LMNTD1: variants seen among roughly 807,000 people sequenced by gnomAD.
LMNTD1 encodes lamin tail domain containing 1, also known as lamin tail domain-containing protein 1.
Under a neutral mutation model 50.9 loss-of-function variants are expected in LMNTD1, and 35 were observed. The ratio of observed to expected loss-of-function variants is 0.69; its 90% CI spans 0.53 to 0.91. The LOEUF (loss-of-function observed/expected upper bound fraction) is 0.91, where lower values mean the gene tolerates loss of function less well. Ranked by LOEUF, LMNTD1 falls within the 40% of genes least tolerant of loss-of-function variation. The pLI, the probability that LMNTD1 is intolerant of heterozygous loss-of-function variation, is 0.00. For missense variants in LMNTD1, 470 were observed against 475.5 expected (o/e 0.99, Z 0.11); for synonymous variants, 153 against 161.9 (o/e 0.94, Z 0.42).
At chr12:25,612,767 G>C (rs1946276633) in intron 1 of LMNTD1, among the ~76,000 whole-genome samples, 1 of 152,098 alleles carries the variant, frequency 6.6e-6, no homozygotes, top group African/African-American at 2.4e-5. Context: ...ATATGTGATA[G>C]GTTGAATAAT....
chr12:25,634,917 C>G (rs1246687013), intron 1 of LMNTD1, among the ~76,000 whole-genome samples: 1 of 152,164 alleles, frequency 6.6e-6, no homozygotes, highest in Non-Finnish European at 1.5e-5. Context: ...ACCCTAAAGA[C>G]TCCTCCAGAA....
intron 9 of LMNTD1, among the ~76,000 whole-genome samples, chr12:25,476,931 C>T (rs1591811853): frequency 6.6e-6 from 1 of 152,052 alleles, no homozygotes; most frequent in African/African-American, 2.4e-5. Flanking sequence ...AATAGATAGC[C>T]GAGGTGCAGC....
chr12:25,590,804 G>A (rs1565507344), intron 1 of LMNTD1, among the ~76,000 whole-genome samples: 1 of 152,162 alleles, frequency 6.6e-6, no homozygotes, highest in Non-Finnish European at 1.5e-5. Flanking sequence ...CTTAGCTCCA[G>A]GAAAGGGAGG....
intron 1 of LMNTD1, among the ~76,000 whole-genome samples, chr12:25,585,111 A>G (rs977670632): frequency 4.6e-5 from 7 of 152,198 alleles, no homozygotes; most frequent in African/African-American, 1.7e-4. Context: ...CTGGGGCCAA[A>G]ATAAACACCC....
At chr12:25,643,010 G>A (rs377086452) in intron 1 of LMNTD1, among the ~76,000 whole-genome samples, 1 of 152,300 alleles carries the variant, frequency 6.6e-6, no homozygotes, top group East Asian at 1.9e-4. Flanking sequence ...TCCAAGCACT[G>A]TTCTAGGCTC....
At chr12:25,534,428 C>G (rs1169631114) in intron 4 of LMNTD1, among the ~76,000 whole-genome samples, 1 of 152,026 alleles carries the variant, frequency 6.6e-6, no homozygotes, top group African/African-American at 2.4e-5. Flanking sequence ...TAAAATTTCC[C>G]CAGATTATTT....
chr12:25,643,796 G>A (rs924986096), intron 1 of LMNTD1, among the ~76,000 whole-genome samples: 1 of 152,148 alleles, frequency 6.6e-6, no homozygotes, highest in Non-Finnish European at 1.5e-5. Flanking sequence ...GTCAATGTTT[G>A]TTATCAAGTG....
chr12:25,559,465 T>A (rs749793814), intron 1 of LMNTD1, among the ~76,000 whole-genome samples: 2 of 152,234 alleles, frequency 1.3e-5, no homozygotes, highest in African/African-American at 2.4e-5. Context: ...TTTGGGTTGG[T>A]TCCAACTCTT....
In LMNTD1 at chr12:25,526,243, A is replaced by G. The variant is rs371407437; in HGVS notation, c.679-25T>C. ...CCTGTAATAAAATTGTTAATGACAAATGCCACTGGAGTTGAACACAATTTT... is the reference window on the plus strand; with the variant it reads ...CCTGTAATAAAATTGTTAATGACAAGTGCCACTGGAGTTGAACACAATTTT... On this transcript the variant is annotated intron_variant, in intron 5 of 9. Coordinates refer to ENST00000458174, the MANE Select transcript of LMNTD1 (RefSeq NM_001145728.2). The G allele has an allele frequency of 1.0e-5, 16 of 1,602,352 alleles. No individual in the cohort carries two copies. The African/African-American group carries it at 2.0e-4, about 20-fold the overall frequency.
chr12:25,553,584 G>T (rs573011896), upstream of LMNTD1, among the ~76,000 whole-genome samples: 67 of 151,978 alleles, frequency 4.4e-4, no homozygotes, highest in Middle Eastern at 3.4e-3. Flanking sequence ...AATACTTTGA[G>T]CACATGGAAA....
At chr12:25,547,561 A>G (rs1943506936) in intron 3 of LMNTD1, among the ~76,000 whole-genome samples, 1 of 151,806 alleles carries the variant, frequency 6.6e-6, no homozygotes, top group African/African-American at 2.4e-5. Flanking sequence ...TCTTTAGCAA[A>G]ACCAAAACAA....
intron 1 of LMNTD1, among the ~76,000 whole-genome samples, chr12:25,629,661 G>C (rs752480034): frequency 6.6e-6 from 1 of 152,142 alleles, no homozygotes. Context: ...TATTTGGAAC[G>C]GAGTGTGAGG....
intron 1 of LMNTD1, among the ~76,000 whole-genome samples, chr12:25,618,831 G>C (rs138149946): frequency 6.6e-6 from 1 of 152,294 alleles, no homozygotes; most frequent in African/African-American, 2.4e-5. Flanking sequence ...AAAGTACAAA[G>C]ATGGCTAAGC....
chr12:25,569,262 A>G (rs919366938), intron 1 of LMNTD1, among the ~76,000 whole-genome samples: 1 of 152,182 alleles, frequency 6.6e-6, no homozygotes, highest in Non-Finnish European at 1.5e-5. Flanking sequence ...AAATTTAATG[A>G]CTGCCCTGCT....
intron 1 of LMNTD1, among the ~76,000 whole-genome samples, chr12:25,616,464 C>T (rs375458540): frequency 1.6e-4 from 25 of 151,974 alleles, no homozygotes; most frequent in Non-Finnish European, 2.8e-4. Flanking sequence ...ATTACACTTA[C>T]GTAACATTCT....
At chr12:25,487,013 T>G (rs1209051618) in intron 9 of LMNTD1, among the ~76,000 whole-genome samples, 1 of 151,336 alleles carries the variant, frequency 6.6e-6, no homozygotes. Context: ...TTGTTATAAT[T>G]TCTGTTCTTT....
chr12:25,536,705 G>A (rs1460061826), intron 4 of LMNTD1, among the ~76,000 whole-genome samples: 1 of 143,312 alleles, frequency 7.0e-6, no homozygotes, highest in Non-Finnish European at 1.5e-5. Context: ...AGCAAATAAA[G>A]CCCAAAGTAG....
intron 1 of LMNTD1, among the ~76,000 whole-genome samples, chr12:25,570,293 A>C (rs1944734095): frequency 6.6e-6 from 1 of 152,206 alleles, no homozygotes; most frequent in African/African-American, 2.4e-5. Flanking sequence ...CCAAAGGAAT[A>C]GTTTTTTCAA....
Position 25,503,759 on chromosome 12 carries a change from CTT to C in LMNTD1, c.1229_1230del (p.Ter410CysfsTer7). 6.3e-7 allele frequency: 1 copy of C among 1,580,850 alleles called. No homozygotes were observed. Among genetic ancestry groups the C allele is most frequent in the Non-Finnish European group, 8.6e-7 (1 of 1,159,248 alleles). On this transcript the variant is annotated frameshift_variant and stop_lost, in exon 9 of 10. Transcript: ENST00000458174. LOFTEE classifies it high-confidence loss of function. ...TTACCTTTAAAGGTTGAGTTGACTG[CTT>C]ATTGCTTTTGTGACTCAGATGTCTT... ...KKKTSESQKQ* is the reference protein window; with the variant it reads ...KKKTSESQKQX
Sources: gnomAD v4.1 joint callset for allele counts (sites outside exome capture counted in the v4.1 genomes callset) on GRCh38, gnomAD v4.1.1 for gene constraint, MANE v1.5 for transcripts, NCBI Gene and HGNC (gene_info 2026-07-23, HGNC 2026-07-21) for gene names.